CASP8: variants seen among roughly 807,000 people sequenced by gnomAD.
CASP8 encodes caspase-8.
A neutral mutation model predicts 46.3 loss-of-function variants in CASP8; 24 were observed. The observed-to-expected ratio is 0.52, with a 90% CI of 0.38 to 0.73. The LOEUF (loss-of-function observed/expected upper bound fraction) is 0.73. Ranked by LOEUF, CASP8 falls within the 30% of genes least tolerant of loss-of-function variation. The probability of loss-of-function intolerance (pLI) is 0.00; values close to 1 mark genes in which losing one functional copy is unlikely to be tolerated. For synonymous variants in CASP8, 188 were observed against 200.4 expected, an observed-to-expected ratio of 0.94 and a Z score of 0.52; for missense variants, 460 against 559.0, an observed-to-expected ratio of 0.82 and a Z score of 1.79.
rs1402556812 is a variant in CASP8 at position 201,272,798 on chromosome 2, G to A, written c.550+22G>A. The stretch of plus-strand genomic sequence containing the variant: ...AAAGGTAGAAACAACCTGACAGCCG[G>A]GAATCGGCAAAACCTACTCTAAAAT... On this transcript the variant is annotated intron_variant, in intron 4 of 8. Coordinates refer to ENST00000673742, the MANE Select transcript of CASP8 (RefSeq NM_001372051.1). The surrounding 1 kb of genome is among the most constrained non-coding windows in gnomAD (Gnocchi z 4.4). The A allele has an allele frequency of 3.1e-6, 5 of 1,614,084 alleles. No homozygotes were observed. In the Admixed American group the frequency reaches 8.3e-5, roughly 27 times the overall value.
At chr2:201,274,390 C>G (rs1948489624) in intron 5 of CASP8, among the ~76,000 whole-genome samples, 1 of 152,150 alleles carries the variant, frequency 6.6e-6, no homozygotes, top group South Asian at 2.1e-4. Context: ...TCTTGTGTTT[C>G]CAGAAGCATG....
intron 2 of CASP8, among the ~76,000 whole-genome samples, chr2:201,239,404 C>CCA (rs1946207119): frequency 6.6e-6 from 1 of 152,118 alleles, no homozygotes; most frequent in Non-Finnish European, 1.5e-5. Context: ...GGGCTGACCC[C>CCA]CCACCTCCCT....
At chr2:201,234,878 T>G (rs561522380) in intron 2 of CASP8, among the ~76,000 whole-genome samples, 2 of 152,218 alleles carry the variant, frequency 1.3e-5, no homozygotes, top group Non-Finnish European at 2.9e-5. Flanking sequence ...TTCCTACTTA[T>G]TATGAATTTA....
At chr2:201,281,238 T>TG (rs1223611268) in intron 7 of CASP8, among the ~76,000 whole-genome samples, 2 of 151,974 alleles carry the variant, frequency 1.3e-5, no homozygotes, top group Non-Finnish European at 2.9e-5. Context: ...TGCTTGAACT[T>TG]GGGGGGCAGA....
chr2:201,276,716 G>A (rs944038938), intron 6 of CASP8, 111 bp from the exon 7 acceptor site: 127 of 1,369,808 alleles, frequency 9.3e-5, no homozygotes, highest in Admixed American at 1.6e-4. Context: ...AAACGACCCC[G>A]AGTTGGGGTG....
chr2:201,283,273 A>C (rs1350428371), intron 7 of CASP8, among the ~76,000 whole-genome samples: 4 of 72,634 alleles, frequency 5.5e-5, no homozygotes, highest in Admixed American at 1.3e-4. Context: ...GGGGGGTTGA[A>C]CCCCCACCTC....
In CASP8 at chr2:201,266,331, G is replaced by A; in HGVS notation, c.-26-130G>A. 1 of 715,068 alleles carries A rather than the reference G, an allele frequency of 1.4e-6. No individual in the cohort carries two copies. The highest frequency in any genetic ancestry group is 1.8e-5 in the African/African-American group (1 of 56,448). 44.3% of individuals were successfully genotyped at this position (715,068 alleles called of 1,614,324 possible). A position where few individuals can be genotyped will look rare whatever the true frequency, so the allele number is the denominator to read the frequency against. ...TAAACAGTAAGAGGGAACTTGTCTGGTGTTCTTTTTTTCTCTCCTGTGCTG... is the reference window on the plus strand; with the variant it reads ...TAAACAGTAAGAGGGAACTTGTCTGATGTTCTTTTTTTCTCTCCTGTGCTG... On this transcript the variant is annotated intron_variant, in intron 1 of 8. Transcript: ENST00000673742. The surrounding 1 kb of genome is among the most constrained non-coding windows in gnomAD (Gnocchi z 5.7).
chr2:201,264,565 G>A (rs899324417), intron 1 of CASP8, among the ~76,000 whole-genome samples: 3 of 152,070 alleles, frequency 2.0e-5, no homozygotes, highest in African/African-American at 7.2e-5. Context: ...TGGAAATTCT[G>A]GCCAACTTGC....
intron 8 of CASP8, among the ~76,000 whole-genome samples, chr2:201,286,128 T>C (rs746807525): frequency 8.5e-5 from 13 of 152,142 alleles, no homozygotes; most frequent in African/African-American, 1.2e-4. Flanking sequence ...GCAGAGAGTA[T>C]TGGGGGGCAT....
rs1178910931 is a variant in CASP8, at chr2:201,285,193, C to T, written c.1180C>T (p.Pro394Ser). ...ATCATCACCTCAAACGAGATATATC[C>T]CGGATGAGGCTGACTTTCTGCTGGG... The part of the protein sequence containing the change: ...DLSSPQTRYI[P>S]DEADFLLGMA... The change falls in exon 8 of 9, where the codon CCG becomes TCG. Residue 394 changes from proline (P) to serine (S), a missense_variant. Transcript: ENST00000673742. 6.2e-7 allele frequency: 1 copy of T among 1,614,138 alleles called. No individual in the cohort carries two copies. Among genetic ancestry groups the T allele is most frequent in the Non-Finnish European group, 8.5e-7 (1 of 1,180,022 alleles).
Position 201,243,539 on chromosome 2 carries a change from A to C in CASP8, c.-27+9427A>C, listed in dbSNP as rs558492179. Among the ~76,000 whole-genome samples, 10 of 152,350 alleles carry C rather than the reference A, an allele frequency of 6.6e-5. No homozygotes were observed. The South Asian group carries it at 2.1e-3, about 32-fold the overall frequency. ...TCCTGACATTTCTTTTTGATAATTTAATGCCCCTTTCTGATTTTTGTCAAA... is the reference window on the plus strand; with the variant it reads ...TCCTGACATTTCTTTTTGATAATTTCATGCCCCTTTCTGATTTTTGTCAAA... On this transcript the variant is annotated intron_variant, in intron 2 of 6. Transcript: ENST00000264274.
At chr2:201,280,673 A>G (rs930574997) in intron 7 of CASP8, among the ~76,000 whole-genome samples, 1 of 152,240 alleles carries the variant, frequency 6.6e-6, no homozygotes, top group Non-Finnish European at 1.5e-5. Context: ...GAAGTCATAG[A>G]TGGAGGAAAC....
intron 2 of CASP8, chr2:201,269,573 T>C (rs779893658): frequency 6.2e-7 from 1 of 1,613,486 alleles, no homozygotes; most frequent in Non-Finnish European, 8.5e-7. Context: ...AGTCTGTACC[T>C]TTCTGGCGGA....
At chr2:201,277,786 C>G in intron 7 of CASP8, 1 of 391,704 alleles carries the variant, frequency 2.6e-6, no homozygotes, top group Non-Finnish European at 4.9e-6. Context: ...CTGCAGCCTC[C>G]ACCTCCCTGG....
intron 2 of CASP8, among the ~76,000 whole-genome samples, chr2:201,234,382 G>A (rs1289504755): frequency 6.6e-6 from 1 of 152,188 alleles, no homozygotes; most frequent in Non-Finnish European, 1.5e-5. Flanking sequence ...AGGAGCCGCA[G>A]GGGATACTGG....
intron 2 of CASP8, among the ~76,000 whole-genome samples, chr2:201,243,558 T>C (rs973859568): frequency 2.6e-5 from 4 of 152,230 alleles, no homozygotes; most frequent in Non-Finnish European, 2.9e-5. Flanking sequence ...TTCTGATTTT[T>C]GTCAAATACT....
chr2:201,267,658 A>G (rs540268658), intron 2 of CASP8, among the ~76,000 whole-genome samples: 4 of 152,292 alleles, frequency 2.6e-5, no homozygotes, highest in African/African-American at 7.2e-5. Context: ...ACAGAAACAC[A>G]TTGTCACTTT....
In CASP8 at chr2:201,273,499, A is replaced by C. The variant is rs34952240; in HGVS notation, c.595+557A>C. ...GACGTGCTGCTCATGTTATGCACTG[A>C]GTAGCTGGATTTAAATTATGTTTCA... is the stretch of plus-strand genomic sequence containing the variant. On this transcript the variant is annotated intron_variant, in intron 5 of 8. Transcript: ENST00000673742. Among the ~76,000 whole-genome samples, 471 of 151,978 alleles carry C rather than the reference A, an allele frequency of 3.1e-3. 2 individuals are homozygous for C. Among genetic ancestry groups the C allele is most frequent in the African/African-American group, 0.011 (453 of 41,454 alleles).
upstream of CASP8, chr2:201,258,030 C>T (rs374599916): frequency 3.2e-5 from 19 of 603,066 alleles, no homozygotes; most frequent in East Asian, 4.0e-4. Context: ...ATTTCTTGTT[C>T]GAGTGAGTCA....
Sources: allele counts gnomAD v4.1 joint callset (sites outside exome capture counted in the v4.1 genomes callset), GRCh38; gene constraint gnomAD v4.1.1; non-coding constraint Gnocchi (gnomAD v3.1); transcripts MANE v1.5; gene names NCBI Gene and HGNC (gene_info 2026-07-23, HGNC 2026-07-21).